The following NAA25 variants were observed in gnomAD, a reference collection of about 807,000 sequenced individuals.
NAA25 encodes the protein N-terminal acetyltransferase B complex subunit NAA25.
NAA25 carries 30 observed loss-of-function variants against 132.5 expected under a neutral mutation model. That is an observed-to-expected ratio of 0.23 (90% confidence interval 0.17 to 0.31). The LOEUF (loss-of-function observed/expected upper bound fraction) is 0.31, where lower values mean the gene tolerates loss of function less well. NAA25 is among the 10% of genes least tolerant of loss of function. The pLI, the probability that NAA25 is intolerant of heterozygous loss-of-function variation, is 1.00. For synonymous variants in NAA25, 359 were observed against 401.9 expected, an observed-to-expected ratio of 0.89 and a Z score of 1.28; for missense variants, 771 against 1,150.4, an observed-to-expected ratio of 0.67 and a Z score of 4.77.
intron 2 of NAA25, 35 bp from the exon 3 acceptor site, chr12:112,090,899 A>G: frequency 1.9e-6 from 3 of 1,571,672 alleles, no homozygotes; most frequent in Non-Finnish European, 2.6e-6. Flanking sequence ...GTTTTTAAAA[A>G]GACAGAAAAG....
Position 112,033,333 on chromosome 12 carries a change from G to C in NAA25, c.2696C>G (p.Thr899Ser). Reference protein sequence around the residue: ...SFQDYVTGLQTLISNVVDHIK... With the variant: ...SFQDYVTGLQSLISNVVDHIK... Reference sequence around the variant, plus strand: ...ATGATCCACAACATTGGAAATTAAAGTCTGAAGCCCAGTAACATAGTCTTG... The same window carrying C: ...ATGATCCACAACATTGGAAATTAAACTCTGAAGCCCAGTAACATAGTCTTG... Residue 899 changes from threonine (T) to serine (S), a missense_variant, in exon 23 of 24, where the codon ACT becomes AGT. Transcript: ENST00000261745. The C allele has an allele frequency of 6.2e-7, 1 of 1,613,220 alleles. No individual in the cohort carries two copies. The highest frequency in any genetic ancestry group is 1.1e-5 in the South Asian group (1 of 90,896).
chr12:112,098,285 C>G (rs1477508062), intron 1 of NAA25, among the ~76,000 whole-genome samples: 1 of 152,004 alleles, frequency 6.6e-6, no homozygotes, highest in Admixed American at 6.6e-5. Context: ...TTACAGTAAC[C>G]GTCTTTACTT....
At chr12:112,087,548 G>A (rs2079073706) in intron 4 of NAA25, 135 bp downstream of exon 4, 1 of 628,598 alleles carries the variant, frequency 1.6e-6, no homozygotes, top group Non-Finnish European at 2.8e-6. Flanking sequence ...GAAAACAACT[G>A]ACTGACCTCC....
intron 4 of NAA25, among the ~76,000 whole-genome samples, chr12:112,084,007 A>G (rs1320085682): frequency 1.3e-5 from 2 of 152,262 alleles, no homozygotes; most frequent in Non-Finnish European, 2.9e-5. Context: ...ATAAAATGCA[A>G]GGCAAAAATT....
intron 22 of NAA25, 199 bp from the exon 23 acceptor site, chr12:112,033,578 C>A (rs536693292): frequency 2.2e-5 from 8 of 362,302 alleles, no homozygotes; most frequent in Non-Finnish European, 2.9e-5. Context: ...AATAAATTTC[C>A]GATAGATTAA....
chr12:112,075,525 G>C (rs1199778593), intron 8 of NAA25, among the ~76,000 whole-genome samples, 153 bp downstream of exon 8: 7 of 152,176 alleles, frequency 4.6e-5, no homozygotes, highest in African/African-American at 1.7e-4. Context: ...GAAAGATGAA[G>C]GCTCCTTAAA....
At position 112,090,817 on chromosome 12, in the gene NAA25, G is replaced by A. The variant is rs139423993; in HGVS notation, c.192C>T (p.Ala64=). The A allele has an allele frequency of 9.9e-6, 16 of 1,613,266 alleles. No individual in the cohort carries two copies. In the African/African-American group the frequency reaches 2.1e-4, roughly 22 times the overall value. ...GLQRTGKQEE[A]FTLAQEVAAL... ...CTGCCACCTCCTGTGCAAGAGTAAA[G>A]GCTTCCTCTTGCTTTCCAGTTCTCT... Residue 64 remains alanine, a synonymous_variant, in exon 3 of 24, where the codon GCC becomes GCT. Transcript: ENST00000261745.
chr12:112,047,882 G>A, intron 16 of NAA25, 92 bp from the exon 17 acceptor site: 1 of 1,284,338 alleles, frequency 7.8e-7, no homozygotes, highest in Admixed American at 2.3e-5. Flanking sequence ...AGACAGGAAG[G>A]GAAAGAGGAA....
At chr12:112,052,982 CAAGTCT>C (rs899075343) in intron 15 of NAA25, among the ~76,000 whole-genome samples, 1 of 152,190 alleles carries the variant, frequency 6.6e-6, no homozygotes, top group Admixed American at 6.5e-5. Flanking sequence ...AAGTAGAGCC[CAAGTCT>C]GCTTGCAGTG....
chr12:112,087,733 G>C lies in NAA25; in HGVS notation c.352C>G (p.His118Asp), dbSNP rs1398994768. Reference sequence around the variant, plus strand: ...ACTCTGGCATAGGCCATGAAGAGGTGAGAGTGATACTCCTCACTATTGGGA... The same window carrying C: ...ACTCTGGCATAGGCCATGAAGAGGTCAGAGTGATACTCCTCACTATTGGGA... The part of the protein sequence containing the change: ...KVPNSEEYHS[H>D]LFMAYARVGE... Residue 118 changes from histidine (H) to aspartate (D), a missense_variant, in exon 4 of 24, where the codon CAC becomes GAC. His to Asp is a moderately conservative substitution (Grantham distance 81, BLOSUM62 -1). Coordinates refer to ENST00000261745, the MANE Select transcript of NAA25 (RefSeq NM_024953.4). 1.9e-6 allele frequency: 3 copies of C among 1,614,126 alleles called. No homozygotes were observed. Among genetic ancestry groups the C allele is most frequent in the Non-Finnish European group, 2.5e-6 (3 of 1,179,970 alleles).
chr12:112,087,717 T>C lies in NAA25; in HGVS notation c.368A>G (p.Tyr123Cys), dbSNP rs772878319. Residue 123 changes from tyrosine to cysteine, a missense_variant, in exon 4 of 24, where the codon TAT (tyrosine) becomes TGT (cysteine). Transcript: ENST00000261745. ...TTTCTTGTATTCACCCACTCTGGCA[T>C]AGGCCATGAAGAGGTGAGAGTGATA... ...EEYHSHLFMAYARVGEYKKMQ... is the reference protein window; with the variant it reads ...EEYHSHLFMACARVGEYKKMQ... 3 of 1,614,084 alleles carry C rather than the reference T, an allele frequency of 1.9e-6. No homozygotes were observed. Among genetic ancestry groups the C allele is most frequent in the Admixed American group, 1.7e-5 (1 of 60,020 alleles).
At chr12:112,046,190 G>A (rs551206005) in intron 17 of NAA25, among the ~76,000 whole-genome samples, 1 of 152,322 alleles carries the variant, frequency 6.6e-6, no homozygotes, top group South Asian at 2.1e-4. Flanking sequence ...GATAGACAGA[G>A]TGTACCCACA....
intron 5 of NAA25, among the ~76,000 whole-genome samples, chr12:112,080,797 C>T (rs1252978610): frequency 1.3e-5 from 2 of 152,116 alleles, no homozygotes; most frequent in Non-Finnish European, 2.9e-5. Context: ...CCACACCTGA[C>T]CAAAAAATAA....
intron 13 of NAA25, among the ~76,000 whole-genome samples, chr12:112,055,880 A>G (rs1018455284): frequency 1.3e-5 from 2 of 152,208 alleles, no homozygotes; most frequent in African/African-American, 2.4e-5. Flanking sequence ...TTTTAAGGTA[A>G]TATTCTATAT....
chr12:112,056,203 G>A (rs554369678), intron 13 of NAA25, among the ~76,000 whole-genome samples: 3 of 152,012 alleles, frequency 2.0e-5, no homozygotes, highest in African/African-American at 7.2e-5. Flanking sequence ...GCGTGGTGGC[G>A]GGTGCCTATA....
intron 3 of NAA25, 142 bp from the exon 4 acceptor site, chr12:112,087,943 C>T (rs1018372331): frequency 1.1e-5 from 7 of 623,550 alleles, no homozygotes; most frequent in Non-Finnish European, 2.0e-5. Flanking sequence ...CATCATTCAT[C>T]TCTTGGTTAG....
intron 11 of NAA25, among the ~76,000 whole-genome samples, chr12:112,063,634 C>A (rs1265750435): frequency 1.3e-5 from 2 of 152,018 alleles, no homozygotes; most frequent in Non-Finnish European, 2.9e-5. Flanking sequence ...GTAGAGAGAA[C>A]AAAATCTCAT....
intron 2 of NAA25, 133 bp downstream of exon 2, chr12:112,092,918 C>A (rs189531800): frequency 9.7e-6 from 5 of 517,496 alleles, no homozygotes; most frequent in Non-Finnish European, 1.7e-5. Flanking sequence ...CATCGTGATC[C>A]GCTTGCCTCG....
chr12:112,048,470 A>G (rs945900874), intron 15 of NAA25, 27 bp from the exon 16 acceptor site: 2 of 1,604,226 alleles, frequency 1.2e-6, no homozygotes, highest in Admixed American at 3.4e-5. Context: ...TCACCTTGGT[A>G]TAAATAGTTC....
Sources: allele counts gnomAD v4.1 joint callset (sites outside exome capture counted in the v4.1 genomes callset), GRCh38; gene constraint gnomAD v4.1.1; transcripts MANE v1.5; gene names NCBI Gene and HGNC (gene_info 2026-07-23, HGNC 2026-07-21).